JAG1: variants seen among roughly 807,000 people sequenced by gnomAD.
JAG1 encodes the protein protein jagged-1.
In JAG1, 23 loss-of-function variants were observed where a neutral mutation model predicts 148.7. The ratio of observed to expected loss-of-function variants is 0.15; its 90% CI spans 0.11 to 0.22. The LOEUF (loss-of-function observed/expected upper bound fraction) is 0.22, where lower values mean the gene tolerates loss of function less well. Among genes scored for constraint, JAG1 ranks in the 10% least tolerant of loss-of-function variants. The probability of loss-of-function intolerance (pLI) is 1.00; values close to 1 mark genes in which losing one functional copy is unlikely to be tolerated. For missense variants in JAG1, 1,054 were observed against 1,611.2 expected (o/e 0.65, Z 5.92); for synonymous variants, 572 against 598.3 (o/e 0.96, Z 0.64).
At chr20:10,666,950 C>T (rs953169953) in intron 2 of JAG1, among the ~76,000 whole-genome samples, 2 of 152,230 alleles carry the variant, frequency 1.3e-5, no homozygotes, top group African/African-American at 4.8e-5. Context: ...GGCTGCTGTG[C>T]CAAGGTTGTG....
At chr20:10,644,276 T>TCCACA in intron 19 of JAG1, 81 bp downstream of exon 19, 2 of 882,928 alleles carry the variant, frequency 2.3e-6, no homozygotes, top group Non-Finnish European at 3.7e-6. Flanking sequence ...TGGGTGATTC[T>TCCACA]CACACACACA....
intron 5 of JAG1, among the ~76,000 whole-genome samples, chr20:10,653,988 G>C (rs945322215): frequency 1.3e-5 from 2 of 151,998 alleles, no homozygotes; most frequent in Admixed American, 1.3e-4. Flanking sequence ...GTGACTAAAG[G>C]AGTAAGATAA....
At chr20:10,655,749 G>A (rs955899674) in intron 5 of JAG1, among the ~76,000 whole-genome samples, 2 of 152,138 alleles carry the variant, frequency 1.3e-5, no homozygotes, top group Admixed American at 1.3e-4. Context: ...CCAAACGGGC[G>A]TAATATAAAT....
At chr20:10,656,520 G>A (rs2067380500) in intron 4 of JAG1, 62 bp from the exon 5 acceptor site, 3 of 1,381,544 alleles carry the variant, frequency 2.2e-6, no homozygotes, top group Non-Finnish European at 2.1e-6. Flanking sequence ...CCCCGGTCAT[G>A]AGAATGGCCC....
At chr20:10,650,410 A>G (rs1249718052) in intron 8 of JAG1, 50 bp from the exon 9 acceptor site, 3 of 1,044,024 alleles carry the variant, frequency 2.9e-6, no homozygotes, top group Admixed American at 1.8e-5. Flanking sequence ...AATCCATCTG[A>G]CAATTAGATC....
chr20:10,646,820 G>T, intron 14 of JAG1, 119 bp downstream of exon 14: 1 of 985,960 alleles, frequency 1.0e-6, no homozygotes, highest in Non-Finnish European at 1.6e-6. Context: ...AGCGAAATTC[G>T]GTCTCAAAAA....
At chr20:10,640,647 C>A in intron 25 of JAG1, 136 bp downstream of exon 25, 1 of 891,262 alleles carries the variant, frequency 1.1e-6, no homozygotes, top group Non-Finnish European at 1.8e-6. Context: ...GTAGGCTGCC[C>A]TCAGTTCTCA....
In JAG1 at chr20:10,673,117, G is replaced by A; in HGVS notation, c.82-111C>T. On this transcript the variant is annotated intron_variant, in intron 1 of 25. Transcript: ENST00000254958. The surrounding 1 kb of genome is among the most constrained non-coding windows in gnomAD (Gnocchi z 4.7). The stretch of plus-strand genomic sequence containing the variant: ...CCCCGACGAGCCCTCCTCGCCGAGT[G>A]AAAATAATTTTGCGAAACTACGTTC... The A allele has an allele frequency of 9.8e-7, 1 of 1,018,860 alleles. No individual in the cohort carries two copies. Among genetic ancestry groups the A allele is most frequent in the Non-Finnish European group, 1.5e-6 (1 of 674,226 alleles). 63.1% of individuals were successfully genotyped at this position (1,018,860 alleles called of 1,614,324 possible).
Position 10,644,940 on chromosome 20 carries a change from C to G in JAG1, c.2267G>C (p.Gly756Ala), listed in dbSNP as rs769495705. The G allele has an allele frequency of 2.5e-6, 4 of 1,614,186 alleles. No homozygotes were observed. The highest frequency in any genetic ancestry group is 2.5e-6 in the Non-Finnish European group (3 of 1,180,028). ...SSCLPNPCHN[G>A]GTCVVNGESF... ...CTCGCCGTTGACCACACATGTGCCCCCATTATGGCAGGGGTTGGGCAGGCA... is the reference window on the plus strand; with the variant it reads ...CTCGCCGTTGACCACACATGTGCCCGCATTATGGCAGGGGTTGGGCAGGCA... Residue 756 changes from glycine (G) to alanine (A), a missense_variant, in exon 18 of 26, where the codon GGG (glycine) becomes GCG (alanine). Physicochemically the swap from Gly to Ala is moderately conservative, Grantham distance 60 (BLOSUM62 0). Transcript: ENST00000254958.
intron 4 of JAG1, among the ~76,000 whole-genome samples, chr20:10,657,186 C>A (rs1198122403): frequency 6.6e-6 from 1 of 152,034 alleles, no homozygotes; most frequent in Non-Finnish European, 1.5e-5. Flanking sequence ...AACAACATAG[C>A]AAGACTATGT....
chr20:10,670,949 C>T (rs758798666), intron 2 of JAG1, among the ~76,000 whole-genome samples: 12 of 152,242 alleles, frequency 7.9e-5, no homozygotes, highest in South Asian at 2.1e-4. Context: ...TTTTCTAGGT[C>T]ACTTTTCCTT....
At position 10,651,751 on chromosome 20, in the gene JAG1, C is replaced by G. The variant is rs1051415532; in HGVS notation, c.1007-57G>C. On this transcript the variant is annotated intron_variant, in intron 7 of 25. Coordinates refer to ENST00000254958, the MANE Select transcript of JAG1 (RefSeq NM_000214.3). ...ATGCCTGCACACCGTTACCTCCCCA[C>G]ACCCCCCTCCAACCGAATCCCACAC... is the stretch of plus-strand genomic sequence containing the variant. 7.4e-6 allele frequency: 8 copies of G among 1,084,754 alleles called. No homozygotes were observed. In the African/African-American group the frequency reaches 1.1e-4, roughly 15 times the overall value. 67.2% of individuals were successfully genotyped at this position (1,084,754 alleles called of 1,614,324 possible).
Position 10,639,486 on chromosome 20 carries a change from G to A in JAG1, c.*12C>T, listed in dbSNP as rs1405586394. On this transcript the variant is annotated 3_prime_UTR_variant, in exon 26 of 26. Coordinates refer to ENST00000254958, the MANE Select transcript of JAG1 (RefSeq NM_000214.3). The stretch of plus-strand genomic sequence containing the variant: ...TCAGACTCTACCTAGCGGCGGCAGT[G>A]CCCGCGGTCTGCTATACGATGTACT... The A allele has an allele frequency of 1.9e-6, 3 of 1,611,342 alleles. No individual in the cohort carries two copies. The highest frequency in any genetic ancestry group is 2.2e-5 in the East Asian group (1 of 44,838).
rs1298766900 is a variant in JAG1 at position 10,645,560 on chromosome 20, A to C, written c.2000-91T>G. On this transcript the variant is annotated intron_variant, in intron 15 of 25. Coordinates refer to ENST00000254958, the MANE Select transcript of JAG1 (RefSeq NM_000214.3). The surrounding 1 kb of genome is among the most constrained non-coding windows in gnomAD (Gnocchi z 6.1). ...CAAGCCTTTCCTACTGCTTACATCC[A>C]ACATCCTATTCTGAGAACAGCCACA... 1 of 978,976 alleles carries C rather than the reference A, an allele frequency of 1.0e-6. No homozygotes were observed. The highest frequency in any genetic ancestry group is 1.6e-6 in the Non-Finnish European group (1 of 614,958). 60.6% of individuals were successfully genotyped at this position (978,976 alleles called of 1,614,324 possible).
rs6077861 is a variant in JAG1 at position 10,644,278 on chromosome 20, A to T, written c.2372+79T>A. 0.11 allele frequency: 20,767 copies of T among 191,336 alleles called. 1,095 individuals are homozygous for T. The highest frequency in any genetic ancestry group is 0.16 in the Non-Finnish European group (16,755 of 104,894). 11.9% of individuals were successfully genotyped at this position (191,336 alleles called of 1,614,324 possible). A position where few individuals can be genotyped will look rare whatever the true frequency, so the allele number is the denominator to read the frequency against. ...TAAACACAATCCCTGGGTGATTCTC[A>T]CACACACACACACACACACACACAC... is the stretch of plus-strand genomic sequence containing the variant. On this transcript the variant is annotated intron_variant, in intron 19 of 25. Transcript: ENST00000254958.
chr20:10,644,565 C>A, intron 18 of JAG1, 181 bp from the exon 19 acceptor site: 1 of 678,704 alleles, frequency 1.5e-6, no homozygotes, highest in South Asian at 1.7e-5. Context: ...TGCTGTGGGA[C>A]ACATGTACAC....
At chr20:10,662,238 C>G (rs930191731) in intron 3 of JAG1, 3 of 151,960 alleles carry the variant, frequency 2.0e-5, no homozygotes, top group African/African-American at 7.3e-5. Context: ...GATTTGATTA[C>G]CCCCCCAGGA....
rs894475816 is a variant in JAG1 at position 10,641,474 on chromosome 20, C to G, written c.2902G>C (p.Glu968Gln). Residue 968 changes from glutamate (E) to glutamine (Q), a missense_variant, in exon 23 of 26, where the codon GAG becomes CAG. By Grantham distance (29) the Glu-to-Gln change is conservative. This residue lies in a region of JAG1 where 342 missense variants were observed against 514.6 expected (regional missense o/e 0.66). Coordinates refer to ENST00000254958, the MANE Select transcript of JAG1 (RefSeq NM_000214.3). The part of the protein sequence containing the change: ...CANITFTFNK[E>Q]MMSPGLTTEH... ...TTGTTACATACTGGTGACATCATCT[C>G]CTTGTTAAAGGTAAATGTGATGTTC... is the stretch of plus-strand genomic sequence containing the variant. The G allele has an allele frequency of 1.9e-6, 3 of 1,613,820 alleles. No homozygotes were observed. Among genetic ancestry groups the G allele is most frequent in the African/African-American group, 1.3e-5 (1 of 75,036 alleles).
At chr20:10,666,574 T>A (rs553468872) in intron 2 of JAG1, among the ~76,000 whole-genome samples, 15 of 152,296 alleles carry the variant, frequency 9.8e-5, no homozygotes, top group African/African-American at 3.6e-4. Context: ...GATTTCAGAC[T>A]ACAGAACTAA....
Sources: allele counts gnomAD v4.1 joint callset (sites outside exome capture counted in the v4.1 genomes callset), GRCh38; gene constraint gnomAD v4.1.1; regional missense constraint gnomAD v4.1.1; non-coding constraint Gnocchi (gnomAD v3.1); transcripts MANE v1.5; gene names NCBI Gene and HGNC (gene_info 2026-07-23, HGNC 2026-07-21).